The following TFEB variants were observed in gnomAD, a reference collection of about 807,000 sequenced individuals.
The protein encoded by TFEB is transcription factor EB.
TFEB carries 12 observed loss-of-function variants against 48.0 expected under a neutral mutation model. The observed-to-expected ratio is 0.25, with a 90% CI of 0.16 to 0.40. The LOEUF (loss-of-function observed/expected upper bound fraction) is 0.40. Among genes scored for constraint, TFEB ranks in the 10% least tolerant of loss-of-function variants. The pLI is 1.00. For missense variants in TFEB, 509 were observed against 640.3 expected, an observed-to-expected ratio of 0.79 and a Z score of 2.21; for synonymous variants, 244 against 261.4, an observed-to-expected ratio of 0.93 and a Z score of 0.64.
intron 1 of TFEB, among the ~76,000 whole-genome samples, chr6:41,707,799 T>C (rs1770305383): frequency 6.6e-6 from 1 of 152,210 alleles, no homozygotes; most frequent in Non-Finnish European, 1.5e-5. Flanking sequence ...TGTATCCTGT[T>C]CCTGACAGAG....
chr6:41,701,397 G>T (rs1191526818), intron 1 of TFEB, among the ~76,000 whole-genome samples: 1 of 152,204 alleles, frequency 6.6e-6, no homozygotes, highest in Admixed American at 6.5e-5. Context: ...CTACAAGGAA[G>T]TTTCAGAGAA....
At chr6:41,717,835 A>G (rs1770804727) in intron 1 of TFEB, among the ~76,000 whole-genome samples, 1 of 152,212 alleles carries the variant, frequency 6.6e-6, no homozygotes, top group African/African-American at 2.4e-5. Flanking sequence ...TAGCTCTGTA[A>G]CAGGTAACTG....
rs1771104250 is a variant in TFEB at position 41,724,028 on chromosome 6, G to T, written c.-23+11322C>A. 4 of 449,102 alleles carry T rather than the reference G, an allele frequency of 8.9e-6. No homozygotes were observed. Among genetic ancestry groups the T allele is most frequent in the South Asian group, 1.6e-5 (1 of 63,354 alleles). The allele number at this position is 449,102 out of a possible 1,614,324, so 27.8% of individuals were successfully genotyped here. A position where few individuals can be genotyped will look rare whatever the true frequency, so the allele number is the denominator to read the frequency against. On this transcript the variant is annotated intron_variant, in intron 1 of 8. Transcript: ENST00000373033. This position sits in a 1 kb window ranked among gnomAD's most constrained non-coding sequence, Gnocchi z 4.4. ...AGTCTTGGCCTTGGGCCTTCCCAGG[G>T]CCTCCAGACACCCAGGTCGAGGCCG...
intron 1 of TFEB, among the ~76,000 whole-genome samples, chr6:41,699,249 AG>A (rs1769768002): frequency 6.6e-6 from 1 of 152,216 alleles, no homozygotes; most frequent in African/African-American, 2.4e-5. Flanking sequence ...TTGTGGGCAG[AG>A]GGGAGGTGTC....
rs1769301770 is a variant in TFEB at position 41,691,296 on chromosome 6, T to TGGCAGGGGGAGGCCAGAATGACTG, written c.-22-85_-22-62dup. The TGGCAGGGGGAGGCCAGAATGACTG allele has an allele frequency of 6.6e-7, 1 of 1,506,394 alleles. No individual in the cohort carries two copies. Among genetic ancestry groups the TGGCAGGGGGAGGCCAGAATGACTG allele is most frequent in the African/African-American group, 1.4e-5 (1 of 72,084 alleles). 93.3% of individuals were successfully genotyped at this position (1,506,394 alleles called of 1,614,324 possible). A position where few individuals can be genotyped will look rare whatever the true frequency, so the allele number is the denominator to read the frequency against. The stretch of plus-strand genomic sequence containing the variant: ...CGTGTCCTCCTCAAAGCACAGGGGC[T>TGGCAGGGGGAGGCCAGAATGACTG]GGCAGGGGGAGGCCAGAATGACTGG... On this transcript the variant is annotated intron_variant, in intron 1 of 8. Transcript: ENST00000373033. This position sits in a 1 kb window ranked among gnomAD's most constrained non-coding sequence, Gnocchi z 5.2.
rs1232572094 is a variant in TFEB at position 41,723,786 on chromosome 6, C to T, written c.-23+11564G>A. 2 of 379,160 alleles carry T rather than the reference C, an allele frequency of 5.3e-6. No individual in the cohort carries two copies. Among genetic ancestry groups the T allele is most frequent in the Non-Finnish European group, 1.0e-5 (2 of 190,798 alleles). The allele number at this position is 379,160 out of a possible 1,614,324, so 23.5% of individuals were successfully genotyped here. ...CGCCCACAGCGCTCCTTGGTCCTCC[C>T]ACAGGAGGCCTCTCATGGCCGCCCT... On this transcript the variant is annotated intron_variant, in intron 1 of 8. Coordinates refer to ENST00000373033, the MANE Select transcript of TFEB (RefSeq NM_001271944.2). This position sits in a 1 kb window ranked among gnomAD's most constrained non-coding sequence, Gnocchi z 6.0.
chr6:41,701,755 G>A (rs1769936009), intron 1 of TFEB, among the ~76,000 whole-genome samples: 1 of 151,902 alleles, frequency 6.6e-6, no homozygotes, highest in East Asian at 1.9e-4. Flanking sequence ...GACCAGCCTG[G>A]CCAACATGGT....
In TFEB at chr6:41,684,669, A is replaced by G. The variant is rs1768893407; in HGVS notation, c.1361T>C (p.Met454Thr). 2 of 1,612,784 alleles carry G rather than the reference A, an allele frequency of 1.2e-6. No individual in the cohort carries two copies. Among genetic ancestry groups the G allele is most frequent in the Admixed American group, 1.7e-5 (1 of 59,908 alleles). Residue 454 changes from methionine to threonine, a missense_variant, in exon 9 of 9, where the codon ATG (methionine) becomes ACG (threonine). Met to Thr is a moderately conservative substitution (Grantham distance 81, BLOSUM62 -1). Around this residue, in one of 4 missense-constraint regions of TFEB, gnomAD observed 168 missense variants for 161.0 expected, o/e 1.04. Coordinates refer to ENST00000373033, the MANE Select transcript of TFEB (RefSeq NM_001271944.2). The stretch of plus-strand genomic sequence containing the variant: ...GCTGGCCTTGGAGGCCTCGGGGGAC[A>G]TGGTGGACAGAAGTGGATCAGAGGC... Reference protein sequence around the residue: ...PLASDPLLSTMSPEASKASSR... With the variant: ...PLASDPLLSTTSPEASKASSR...
Position 41,685,001 on chromosome 6 carries a change from C to T in TFEB, c.1029G>A (p.Gln343=), listed in dbSNP as rs866984388. Residue 343 remains glutamine (Q), a synonymous_variant, in exon 9 of 9, where the codon CAG becomes CAA. Transcript: ENST00000373033. ...TAGGCAGCTCCTGCTTCACCACCTG[C>T]TGGGCCAGCTCAGCCATGTTCATGC... ...PSGMNMAELA[Q]QVVKQELPSE... 4 of 1,550,980 alleles carry T rather than the reference C, an allele frequency of 2.6e-6. No individual in the cohort carries two copies. The highest frequency in any genetic ancestry group is 2.6e-6 in the Non-Finnish European group (3 of 1,149,238).
chr6:41,710,853 C>T (rs1170333571), intron 1 of TFEB, among the ~76,000 whole-genome samples: 3 of 152,156 alleles, frequency 2.0e-5, no homozygotes, highest in African/African-American at 7.2e-5. Context: ...GGGTCTCCTC[C>T]TCCTCCCGAC....
At chr6:41,716,183 T>C (rs1770726097) in intron 1 of TFEB, among the ~76,000 whole-genome samples, 1 of 152,234 alleles carries the variant, frequency 6.6e-6, no homozygotes, top group South Asian at 2.1e-4. Context: ...AGGAGGAAAC[T>C]GAGGCATACA....
intron 1 of TFEB, among the ~76,000 whole-genome samples, chr6:41,697,213 G>A (rs537799767): frequency 1.7e-3 from 255 of 152,038 alleles, no homozygotes; most frequent in South Asian, 2.5e-3. Context: ...TTCAAGACCA[G>A]CCTGGGCAAC....
rs1406577061 is a variant in TFEB, at chr6:41,734,174, G to C, written c.-23+1176C>G. ...TGAACCGTCCCCAGAACAGACAGGCGAGAGAACGACGGCTGGAGCTGAGGG... is the reference window on the plus strand; with the variant it reads ...TGAACCGTCCCCAGAACAGACAGGCCAGAGAACGACGGCTGGAGCTGAGGG... On this transcript the variant is annotated intron_variant, in intron 1 of 8. Transcript: ENST00000373033. The surrounding 1 kb of genome is among the most constrained non-coding windows in gnomAD (Gnocchi z 4.0). 1.4e-5 allele frequency: 3 copies of C among 210,206 alleles called. No homozygotes were observed. The highest frequency in any genetic ancestry group is 2.5e-5 in the Non-Finnish European group (3 of 121,082). The allele number at this position is 210,206 out of a possible 1,614,324, so 13.0% of individuals were successfully genotyped here. A position where few individuals can be genotyped will look rare whatever the true frequency, so the allele number is the denominator to read the frequency against.
At chr6:41,721,307 A>G (rs978689886) in intron 1 of TFEB, among the ~76,000 whole-genome samples, 13 of 152,064 alleles carry the variant, frequency 8.5e-5, no homozygotes, top group African/African-American at 3.1e-4. Context: ...TCTCTAATGC[A>G]GTGGCACCAA....
At position 41,723,679 on chromosome 6, in the gene TFEB, G is replaced by A. The variant is rs889635351; in HGVS notation, c.-23+11671C>T. The A allele has an allele frequency of 1.9e-6, 1 of 530,758 alleles. No individual in the cohort carries two copies. Among genetic ancestry groups the A allele is most frequent in the East Asian group, 7.0e-5 (1 of 14,278 alleles). 32.9% of individuals were successfully genotyped at this position (530,758 alleles called of 1,614,324 possible). ...GGCCGAGGATTACTCACAGCACAGA[G>A]GGAACTGCGCCCCGACGGCACAGTC... On this transcript the variant is annotated intron_variant, in intron 1 of 8. Transcript: ENST00000373033. The surrounding 1 kb of genome is among the most constrained non-coding windows in gnomAD (Gnocchi z 6.0).
At chr6:41,714,373 T>A (rs183828897) in intron 1 of TFEB, among the ~76,000 whole-genome samples, 2 of 152,272 alleles carry the variant, frequency 1.3e-5, no homozygotes, top group East Asian at 3.9e-4. Context: ...GTAACTCACA[T>A]TGGGGAAGTG....
Position 41,684,322 on chromosome 6 carries a change from A to T in TFEB, c.*277T>A, listed in dbSNP as rs1010395175. On this transcript the variant is annotated 3_prime_UTR_variant, in exon 9 of 9. Transcript: ENST00000373033. ...ACCAGGCCCTCTTCTCACCTCTAGA[A>T]CACCCTGCCCCTCCCTGCCCCGCGA... 2.0e-4 allele frequency: 74 copies of T among 364,348 alleles called. No individual in the cohort carries two copies. The highest frequency in any genetic ancestry group is 3.3e-4 in the Non-Finnish European group (68 of 203,708). The allele number at this position is 364,348 out of a possible 1,614,324, so 22.6% of individuals were successfully genotyped here.
At chr6:41,708,433 G>A (rs999985400) in intron 1 of TFEB, among the ~76,000 whole-genome samples, 2 of 152,176 alleles carry the variant, frequency 1.3e-5, no homozygotes, top group African/African-American at 4.8e-5. Flanking sequence ...CTGAATTGGT[G>A]CCTGAACCAA....
chr6:41,714,140 C>CGT (rs58309528), intron 1 of TFEB, among the ~76,000 whole-genome samples: 1 of 144,676 alleles, frequency 6.9e-6, no homozygotes, highest in Non-Finnish European at 1.5e-5. Context: ...TGCATGTGTG[C>CGT]GTGTGTGTGC....
Sources: gnomAD v4.1 joint callset for allele counts (sites outside exome capture counted in the v4.1 genomes callset) on GRCh38, gnomAD v4.1.1 for gene constraint, gnomAD v4.1.1 regional missense constraint, Gnocchi (gnomAD v3.1) non-coding constraint, MANE v1.5 for transcripts, NCBI Gene and HGNC (gene_info 2026-07-23, HGNC 2026-07-21) for gene names.